Variants in ZNF704 observed in about 807,000 individuals in gnomAD.
ZNF704 encodes the protein glucocorticoid induced gene 1.
In ZNF704, 10 loss-of-function variants were observed where a neutral mutation model predicts 44.7. That is an observed-to-expected ratio of 0.22 (90% CI 0.14 to 0.38). The LOEUF is 0.38. Ranked by LOEUF, ZNF704 falls within the 10% of genes least tolerant of loss-of-function variation. The probability of loss-of-function intolerance (pLI) is 1.00; values close to 1 mark genes in which losing one functional copy is unlikely to be tolerated. For missense variants in ZNF704, 390 were observed against 545.5 expected (o/e 0.71, Z 2.84); for synonymous variants, 211 against 207.6 (o/e 1.02, Z -0.14).
intron 2 of ZNF704, among the ~76,000 whole-genome samples, chr8:80,798,507 G>A (rs950437717): frequency 2.6e-5 from 4 of 152,220 alleles, no homozygotes; most frequent in Middle Eastern, 3.4e-3. Flanking sequence ...TGCCCATCTC[G>A]GCCTCCCAAA....
chr8:80,728,830 CCTCAA>C (rs1321876505), intron 2 of ZNF704, among the ~76,000 whole-genome samples: 1 of 152,054 alleles, frequency 6.6e-6, no homozygotes. Flanking sequence ...GTCCCAGCTT[CCTCAA>C]CTATGAAATG....
intron 2 of ZNF704, among the ~76,000 whole-genome samples, chr8:80,722,892 G>A (rs529393817): frequency 7.9e-5 from 12 of 152,328 alleles, no homozygotes; most frequent in South Asian, 6.2e-4. Flanking sequence ...GCCCTCCAGG[G>A]TGGCAATCAA....
intron 2 of ZNF704, among the ~76,000 whole-genome samples, chr8:80,707,624 A>G (rs1292861262): frequency 1.3e-5 from 2 of 152,268 alleles, no homozygotes; most frequent in African/African-American, 4.8e-5. Flanking sequence ...TGGCAATTTC[A>G]TATGGTTCAG....
At position 80,634,496 on chromosome 8, in the gene ZNF704, A is replaced by T. The variant is rs1468963840; in HGVS notation, c.*6870T>A. ...GTTGAAACTGGGGGCTGCAGGCTGC[A>T]CCTGTCTGTGTACAGCTTCTCTTTG... On this transcript the variant is annotated 3_prime_UTR_variant, in exon 9 of 9. Transcript: ENST00000327835. 1 of 152,272 alleles carries T rather than the reference A, an allele frequency of 6.6e-6. No homozygotes were observed. Among genetic ancestry groups the T allele is most frequent in the Non-Finnish European group, 1.5e-5 (1 of 68,078 alleles). The allele number at this position is 152,272 out of a possible 1,614,324, so 9.4% of individuals were successfully genotyped here.
At chr8:80,728,438 T>C (rs1806521333) in intron 2 of ZNF704, among the ~76,000 whole-genome samples, 1 of 152,202 alleles carries the variant, frequency 6.6e-6, no homozygotes, top group African/African-American at 2.4e-5. Context: ...ACCTAGAATA[T>C]CTTCCACGCC....
chr8:80,838,389 A>C (rs1808616913), intron 1 of ZNF704, among the ~76,000 whole-genome samples: 1 of 152,198 alleles, frequency 6.6e-6, no homozygotes, highest in African/African-American at 2.4e-5. Flanking sequence ...TCTGGGCAGA[A>C]ACAGGGCCAA....
At chr8:80,679,240 T>C (rs1440329862) in intron 4 of ZNF704, among the ~76,000 whole-genome samples, 1 of 152,208 alleles carries the variant, frequency 6.6e-6, no homozygotes, top group Non-Finnish European at 1.5e-5. Flanking sequence ...AAGACATTCT[T>C]GCAGCAAAGC....
chr8:80,680,494 T>A (rs1022031615), intron 4 of ZNF704, among the ~76,000 whole-genome samples: 1 of 152,044 alleles, frequency 6.6e-6, no homozygotes, highest in South Asian at 2.1e-4. Flanking sequence ...CAAGTTATTC[T>A]GTGCAGGTGA....
chr8:80,713,580 TATTC>T (rs1423068667), intron 2 of ZNF704, among the ~76,000 whole-genome samples: 18 of 152,316 alleles, frequency 1.2e-4, no homozygotes, highest in African/African-American at 3.9e-4. Flanking sequence ...TTGAACTAAG[TATTC>T]ATGAATAAGA....
chr8:80,737,606 G>C (rs1806687890), intron 2 of ZNF704, among the ~76,000 whole-genome samples: 1 of 152,178 alleles, frequency 6.6e-6, no homozygotes, highest in Non-Finnish European at 1.5e-5. Flanking sequence ...CCTACTCAAG[G>C]AGAGGCAATC....
At chr8:80,835,692 T>C (rs1808547470) in intron 1 of ZNF704, among the ~76,000 whole-genome samples, 1 of 152,242 alleles carries the variant, frequency 6.6e-6, no homozygotes, top group African/African-American at 2.4e-5. Flanking sequence ...GCTTTCAGCT[T>C]AATTTTTTCC....
chr8:80,635,231 G>C lies in ZNF704; in HGVS notation c.*6135C>G, dbSNP rs1817648135. ...AAAAACTGTACAGCATTATGAAATG[G>C]TTTTGGCAAAGCTCTGAATTATTTG... is the stretch of plus-strand genomic sequence containing the variant. On this transcript the variant is annotated 3_prime_UTR_variant, in exon 9 of 9. Coordinates refer to ENST00000327835, the MANE Select transcript of ZNF704 (RefSeq NM_001033723.3). 1 of 152,084 alleles carries C rather than the reference G, an allele frequency of 6.6e-6. No individual in the cohort carries two copies. The highest frequency in any genetic ancestry group is 6.5e-5 in the Admixed American group (1 of 15,270). The allele number at this position is 152,084 out of a possible 1,614,324, so 9.4% of individuals were successfully genotyped here. A position where few individuals can be genotyped will look rare whatever the true frequency, so the allele number is the denominator to read the frequency against.
intron 2 of ZNF704, among the ~76,000 whole-genome samples, chr8:80,789,000 A>G (rs1470474467): frequency 6.6e-6 from 1 of 152,250 alleles, no homozygotes; most frequent in African/African-American, 2.4e-5. Flanking sequence ...TCCTAAAAGT[A>G]ATATACTATT....
intron 2 of ZNF704, among the ~76,000 whole-genome samples, chr8:80,704,953 AAAC>A (rs796811565): frequency 2.1e-4 from 32 of 152,318 alleles, no homozygotes; most frequent in African/African-American, 7.5e-4. Flanking sequence ...AAGCACAGTA[AAAC>A]AACCTGAAAC....
At chr8:80,671,928 A>T (rs1489139734) in intron 4 of ZNF704, among the ~76,000 whole-genome samples, 1 of 152,188 alleles carries the variant, frequency 6.6e-6, no homozygotes, top group African/African-American at 2.4e-5. Flanking sequence ...CAGAGTTCTT[A>T]ATTTTTTGTT....
intron 2 of ZNF704, among the ~76,000 whole-genome samples, chr8:80,779,854 CTTTAT>C (rs930406814): frequency 3.3e-5 from 5 of 150,690 alleles, no homozygotes; most frequent in African/African-American, 9.7e-5. Context: ...TCTTAATTTC[CTTTAT>C]TTTGTTAATT....
upstream of ZNF704, among the ~76,000 whole-genome samples, chr8:80,875,679 C>T (rs1257333782): frequency 3.3e-5 from 5 of 152,216 alleles, no homozygotes; most frequent in Admixed American, 6.5e-5. Context: ...GGATCTTACG[C>T]ATCAAATACC....
chr8:80,651,959 C>A (rs1817927483), intron 7 of ZNF704, among the ~76,000 whole-genome samples: 1 of 151,904 alleles, frequency 6.6e-6, no homozygotes, highest in African/African-American at 2.4e-5. Context: ...GAAATTATAA[C>A]AAACTGTCTC....
chr8:80,771,592 T>G (rs1807321081), intron 2 of ZNF704, among the ~76,000 whole-genome samples: 1 of 152,214 alleles, frequency 6.6e-6, no homozygotes, highest in Non-Finnish European at 1.5e-5. Context: ...CTAGGAGTCT[T>G]TTTAAAAATA....
Sources: allele counts gnomAD v4.1 joint callset (sites outside exome capture counted in the v4.1 genomes callset), GRCh38; gene constraint gnomAD v4.1.1; transcripts MANE v1.5; gene names NCBI Gene and HGNC (gene_info 2026-07-23, HGNC 2026-07-21).